The following ADGRE5 variants were observed in gnomAD, a reference collection of about 807,000 sequenced individuals.
The protein encoded by ADGRE5 is adhesion G protein-coupled receptor E5.
In ADGRE5, 72 loss-of-function variants were observed where a neutral mutation model predicts 100.3. That is an observed-to-expected ratio of 0.72 (90% CI 0.59 to 0.87). ADGRE5 has a LOEUF of 0.87. Ranked by LOEUF, ADGRE5 falls within the 40% of genes least tolerant of loss-of-function variation. The pLI, the probability that ADGRE5 is intolerant of heterozygous loss-of-function variation, is 0.00. For missense variants in ADGRE5, 959 were observed against 1,094.7 expected (o/e 0.88, Z 1.75); for synonymous variants, 439 against 447.8 (o/e 0.98, Z 0.25).
At position 14,401,912 on chromosome 19, in the gene ADGRE5, C is replaced by CT. The variant is rs2146369801; in HGVS notation, c.1183+154dup. On this transcript the variant is annotated intron_variant, in intron 11 of 19. Coordinates refer to ENST00000242786, the MANE Select transcript of ADGRE5 (RefSeq NM_078481.4). This position sits in a 1 kb window ranked among gnomAD's most constrained non-coding sequence, Gnocchi z 4.1. ...TTGGGAGGCCCAGGTGGGTAGATCG[C>CT]TTGAGCTCAGAAGTTCAAGACCAGC... is the stretch of plus-strand genomic sequence containing the variant. 2.0e-6 allele frequency: 1 copy of CT among 507,212 alleles called. No individual in the cohort carries two copies. The highest frequency in any genetic ancestry group is 3.3e-5 in the East Asian group (1 of 30,208). The allele number at this position is 507,212 out of a possible 1,614,324, so 31.4% of individuals were successfully genotyped here.
intron 1 of ADGRE5, among the ~76,000 whole-genome samples, chr19:14,387,452 G>T (rs1975398581): frequency 6.6e-6 from 1 of 152,174 alleles, no homozygotes; most frequent in Non-Finnish European, 1.5e-5. Context: ...TTTTAGGCCG[G>T]CCACAGTGGC....
chr19:14,406,311 C>A lies in ADGRE5; in HGVS notation c.1822-20C>A. 1 of 1,533,546 alleles carries A rather than the reference C, an allele frequency of 6.5e-7. No homozygotes were observed. Among genetic ancestry groups the A allele is most frequent in the South Asian group, 1.2e-5 (1 of 83,840 alleles). The allele number at this position is 1,533,546 out of a possible 1,614,324, so 95.0% of individuals were successfully genotyped here. On this transcript the variant is annotated intron_variant, in intron 14 of 19. Transcript: ENST00000242786. The surrounding 1 kb of genome is among the most constrained non-coding windows in gnomAD (Gnocchi z 6.0). ...CTCCCCGCGCTGACGTCGCTCCGCC[C>A]CTCCGTCCCCGCCCCGCAGGTGGGG...
intron 11 of ADGRE5, 146 bp from the exon 12 acceptor site, chr19:14,402,451 G>A: frequency 1.3e-6 from 1 of 783,056 alleles, no homozygotes; most frequent in Non-Finnish European, 2.1e-6. Flanking sequence ...AAAAAAACAA[G>A]GAACAACTAG....
Position 14,408,375 on chromosome 19 carries a change from G to A in ADGRE5, c.*254G>A, listed in dbSNP as rs1213912522. The A allele has an allele frequency of 1.6e-6, 1 of 610,796 alleles. No homozygotes were observed. Among genetic ancestry groups the A allele is most frequent in the Non-Finnish European group, 2.9e-6 (1 of 340,844 alleles). The allele number at this position is 610,796 out of a possible 1,614,324, so 37.8% of individuals were successfully genotyped here. A position where few individuals can be genotyped will look rare whatever the true frequency, so the allele number is the denominator to read the frequency against. ...CTTGTGACCCAGGGTGGGGACAGGG[G>A]CTGGCCCAGGGCTGCAATGCAGCAT... On this transcript the variant is annotated 3_prime_UTR_variant, in exon 20 of 20. Transcript: ENST00000242786.
At chr19:14,398,391 C>T (rs1246301928) in intron 9 of ADGRE5, 12 of 481,516 alleles carry the variant, frequency 2.5e-5, no homozygotes, top group East Asian at 1.5e-4. Context: ...GAGTTGAGGC[C>T]GGGCACGGTG....
In ADGRE5 at chr19:14,405,735, G is replaced by T. The variant is rs1976199347; in HGVS notation, c.1630-13G>T. 1 of 1,600,836 alleles carries T rather than the reference G, an allele frequency of 6.2e-7. No individual in the cohort carries two copies. Among genetic ancestry groups the T allele is most frequent in the Non-Finnish European group, 8.5e-7 (1 of 1,170,752 alleles). On this transcript the variant is annotated splice_polypyrimidine_tract_variant and intron_variant, in intron 13 of 19. Coordinates refer to ENST00000242786, the MANE Select transcript of ADGRE5 (RefSeq NM_078481.4). ...GCCCTGAAGGAACCCTGAGCACCCG[G>T]TGCCACTCCTAGGACTGGAAGCTGA...
chr19:14,389,961 A>G (rs1975537347), intron 3 of ADGRE5, among the ~76,000 whole-genome samples: 1 of 151,770 alleles, frequency 6.6e-6, no homozygotes, highest in African/African-American at 2.4e-5. Flanking sequence ...TTGTAATCCC[A>G]GCTACTCCGG....
chr19:14,397,040 T>G lies in ADGRE5; in HGVS notation c.479-37T>G, dbSNP rs1173673339. On this transcript the variant is annotated intron_variant, in intron 5 of 19. Coordinates refer to ENST00000242786, the MANE Select transcript of ADGRE5 (RefSeq NM_078481.4). ...TGAGTGGAGGGCAGGCCCAGGCTGG[T>G]CAGGGACAGGGTTTGACCCTCTGGC... 2.5e-6 allele frequency: 4 copies of G among 1,570,490 alleles called. No individual in the cohort carries two copies. In the South Asian group the frequency reaches 3.6e-5, roughly 14 times the overall value.
chr19:14,403,074 ACT>A (rs935844975), intron 12 of ADGRE5, among the ~76,000 whole-genome samples: 5 of 151,902 alleles, frequency 3.3e-5, no homozygotes, highest in African/African-American at 4.8e-5. Context: ...ACAGAGTCTC[ACT>A]CTGTCGTCCA....
chr19:14,399,709 T>G (rs1975935749), intron 9 of ADGRE5, among the ~76,000 whole-genome samples: 1 of 150,600 alleles, frequency 6.6e-6, no homozygotes, highest in South Asian at 2.1e-4. Flanking sequence ...ACCACTGTAC[T>G]CCAGCCAGGG....
At chr19:14,407,810 A>G in intron 18 of ADGRE5, 98 bp from the exon 19 acceptor site, 1 of 1,035,438 alleles carries the variant, frequency 9.7e-7, no homozygotes, top group Non-Finnish European at 1.4e-6. Flanking sequence ...AGACAAACAC[A>G]AAAACACCAA....
rs777660200 is a variant in ADGRE5, at chr19:14,388,699, C to G, written c.74-3C>G. 1.2e-6 allele frequency: 2 copies of G among 1,613,456 alleles called. No homozygotes were observed. Among genetic ancestry groups the G allele is most frequent in the East Asian group, 2.2e-5 (1 of 44,874 alleles). On this transcript the variant is annotated splice_region_variant and splice_polypyrimidine_tract_variant and intron_variant, in intron 2 of 19. Transcript: ENST00000242786. Reference sequence around the variant, plus strand: ...CTTCTGACCGTGCTCCCTGCTCTTGCAGGCTGTGCCCGGTGGTGCCCTCAG... The same window carrying G: ...CTTCTGACCGTGCTCCCTGCTCTTGGAGGCTGTGCCCGGTGGTGCCCTCAG...
intron 11 of ADGRE5, among the ~76,000 whole-genome samples, chr19:14,402,264 A>G (rs8108638): frequency 0.26 from 38,680 of 151,634 alleles, 7,693 homozygotes; most frequent in African/African-American, 0.55. Flanking sequence ...GTGAAACCCC[A>G]TCTCTACTAA....
rs1231481278 is a variant in ADGRE5 at position 14,401,504 on chromosome 19, G to A, written c.1016G>A (p.Arg339Lys). Residue 339 changes from arginine (R) to lysine (K), a missense_variant, in exon 10 of 20, where the codon AGG becomes AAG. Transcript: ENST00000242786. The surrounding 1 kb of genome is among the most constrained non-coding windows in gnomAD (Gnocchi z 4.1). ...CTCTCAAACCTTGAAGATATCATGA[G>A]GATCCTGGCCAAGAGCCTGCCTAAA... is the stretch of plus-strand genomic sequence containing the variant. Reference protein sequence around the residue: ...QLLSNLEDIMRILAKSLPKGP... With the variant: ...QLLSNLEDIMKILAKSLPKGP... 5.6e-6 allele frequency: 9 copies of A among 1,614,154 alleles called. No homozygotes were observed. The highest frequency in any genetic ancestry group is 2.2e-5 in the East Asian group (1 of 44,882).
At chr19:14,399,101 C>A (rs564995948) in intron 9 of ADGRE5, among the ~76,000 whole-genome samples, 1 of 151,446 alleles carries the variant, frequency 6.6e-6, no homozygotes, top group South Asian at 2.1e-4. Flanking sequence ...CCTGCCTCGG[C>A]CTCCCAACAT....
Position 14,402,627 on chromosome 19 carries a change from A to G in ADGRE5, c.1214A>G (p.Gln405Arg), listed in dbSNP as rs1976059972. ...GCCGTGGCGGGCATCCTCTCCATCC[A>G]GAACATGACGACATTGCTGGCCAAT... is the stretch of plus-strand genomic sequence containing the variant. ...GPAVAGILSI[Q>R]NMTTLLANAS... is the part of the protein sequence containing the mutation. Residue 405 changes from glutamine (Q) to arginine (R), a missense_variant, in exon 12 of 20, where the codon CAG (glutamine) becomes CGG (arginine). Gln to Arg is a conservative substitution (Grantham distance 43). This residue lies in a region of ADGRE5 where 246 missense variants were observed against 242.2 expected (regional missense o/e 1.02). Coordinates refer to ENST00000242786, the MANE Select transcript of ADGRE5 (RefSeq NM_078481.4). The G allele has an allele frequency of 3.1e-6, 5 of 1,614,000 alleles. No individual in the cohort carries two copies. The highest frequency in any genetic ancestry group is 4.2e-6 in the Non-Finnish European group (5 of 1,180,022).
intron 18 of ADGRE5, 68 bp downstream of exon 18, chr19:14,407,297 G>T: frequency 6.4e-7 from 1 of 1,566,788 alleles, no homozygotes; most frequent in Non-Finnish European, 8.7e-7. Context: ...GAGGTGGGAG[G>T]ATTGCTTGAG....
rs73924173 is a variant in ADGRE5 at position 14,388,854 on chromosome 19, C to T, written c.190+36C>T. 462 of 1,585,972 alleles carry T rather than the reference C, an allele frequency of 2.9e-4. 3 individuals carry two copies. In the African/African-American group the frequency reaches 5.2e-3, roughly 18 times the overall value. On this transcript the variant is annotated intron_variant, in intron 3 of 19. Coordinates refer to ENST00000242786, the MANE Select transcript of ADGRE5 (RefSeq NM_078481.4). The stretch of plus-strand genomic sequence containing the variant: ...TTGAGGGCAGCGCAGGGGACATCCG[C>T]GATTATGAGGCATTGCCCAGCCAGT...
In ADGRE5 at chr19:14,405,871, C is replaced by T; in HGVS notation, c.1753C>T (p.His585Tyr). 6.2e-7 allele frequency: 1 copy of T among 1,612,892 alleles called. No individual in the cohort carries two copies. ...GGGCTCGCGCACCACCATACACCTG[C>T]ACCTCTGCATCTGCCTCTTCGTGGG... Reference protein sequence around the residue: ...IQGSRTTIHLHLCICLFVGST... With the variant: ...IQGSRTTIHLYLCICLFVGST... Residue 585 changes from histidine (H) to tyrosine (Y), a missense_variant, in exon 14 of 20, where the codon CAC becomes TAC. By Grantham distance (83) the His-to-Tyr change is moderately conservative. Transcript: ENST00000242786.
Sources: allele counts gnomAD v4.1 joint callset (sites outside exome capture counted in the v4.1 genomes callset), GRCh38; gene constraint gnomAD v4.1.1; regional missense constraint gnomAD v4.1.1; non-coding constraint Gnocchi (gnomAD v3.1); transcripts MANE v1.5; gene names NCBI Gene and HGNC (gene_info 2026-07-23, HGNC 2026-07-21).